PDE1A: variants seen among roughly 807,000 people sequenced by gnomAD.
PDE1A encodes the protein dual specificity calcium/calmodulin-dependent 3',5'-cyclic nucleotide phosphodiesterase 1A.
PDE1A carries 35 observed loss-of-function variants against 61.7 expected under a neutral mutation model. The observed-to-expected ratio is 0.57, with a 90% CI of 0.43 to 0.75. The LOEUF is 0.75. PDE1A is among the 30% of genes least tolerant of loss of function. The pLI, the probability that PDE1A is intolerant of heterozygous loss-of-function variation, is 0.00. For missense variants in PDE1A, 597 were observed against 630.6 expected (o/e 0.95, Z 0.57); for synonymous variants, 232 against 213.2 (o/e 1.09, Z -0.77).
downstream of PDE1A, among the ~76,000 whole-genome samples, chr2:182,166,388 G>A (rs530685473): frequency 2.0e-5 from 3 of 152,280 alleles, no homozygotes; most frequent in South Asian, 4.1e-4. Flanking sequence ...CCCTTTCTGA[G>A]TAGGAAACTT....
intron 1 of PDE1A, among the ~76,000 whole-genome samples, chr2:182,351,976 TAG>T (rs946420227): frequency 3.3e-5 from 5 of 152,136 alleles, no homozygotes; most frequent in African/African-American, 7.2e-5. Flanking sequence ...CCACCTAAAA[TAG>T]AGTCATGCAT....
chr2:182,257,388 C>A (rs542503534), intron 2 of PDE1A, among the ~76,000 whole-genome samples: 3 of 152,268 alleles, frequency 2.0e-5, no homozygotes, highest in Admixed American at 1.3e-4. Flanking sequence ...CATAGATAGG[C>A]TTTATTTTAC....
the PDE1A span, among the ~76,000 whole-genome samples, chr2:182,656,951 G>A: frequency 2.0e-5 from 3 of 152,150 alleles, no homozygotes; most frequent in Admixed American, 1.3e-4. Flanking sequence ...CTGGCCAGGT[G>A]CGGTGGCTCA....
chr2:182,143,857 C>T (rs1690354431), downstream of PDE1A, among the ~76,000 whole-genome samples: 1 of 152,098 alleles, frequency 6.6e-6, no homozygotes, highest in Non-Finnish European at 1.5e-5. Context: ...GGTTTTACAT[C>T]AGTTGGAATT....
At chr2:182,326,995 A>C in intron 1 of PDE1A, among the ~76,000 whole-genome samples, 1 of 152,192 alleles carries the variant, frequency 6.6e-6, no homozygotes, top group East Asian at 1.9e-4. Flanking sequence ...ACATTATCTC[A>C]ACAGAGATAC....
intron 2 of PDE1A, among the ~76,000 whole-genome samples, chr2:182,512,138 C>T (rs1450351203): frequency 6.6e-6 from 1 of 152,188 alleles, no homozygotes; most frequent in Non-Finnish European, 1.5e-5. Flanking sequence ...CGCACATGTG[C>T]ACATGCAAAC....
intron 2 of PDE1A, chr2:182,242,184 A>C (rs1690568944): frequency 3.2e-6 from 2 of 629,070 alleles, no homozygotes; most frequent in Non-Finnish European, 4.3e-6. Context: ...AGTAAATTTC[A>C]TGTTGATGGC....
chr2:182,336,708 GTA>G (rs1437347466), intron 1 of PDE1A, among the ~76,000 whole-genome samples: 1 of 151,192 alleles, frequency 6.6e-6, no homozygotes, highest in African/African-American at 2.4e-5. Flanking sequence ...CATGGCACGT[GTA>G]TACCTATGTA....
At chr2:182,465,003 T>A (rs550406982) in intron 2 of PDE1A, among the ~76,000 whole-genome samples, 6 of 152,322 alleles carry the variant, frequency 3.9e-5, no homozygotes, top group East Asian at 1.9e-4. Flanking sequence ...ATATTAACTG[T>A]ATGTTAAAAT....
the PDE1A span, among the ~76,000 whole-genome samples, chr2:182,528,647 G>A: frequency 2.0e-5 from 3 of 152,168 alleles, no homozygotes; most frequent in African/African-American, 4.8e-5. Context: ...AGAGACCTTT[G>A]TGGCAGCCCC....
At chr2:182,710,620 T>C in the PDE1A span, among the ~76,000 whole-genome samples, 1 of 152,226 alleles carries the variant, frequency 6.6e-6, no homozygotes, top group Admixed American at 6.5e-5. Context: ...CTTTCTGTAT[T>C]TGGATTATTT....
intron 1 of PDE1A, among the ~76,000 whole-genome samples, chr2:182,352,071 C>T (rs1232137387): frequency 2.0e-5 from 3 of 152,174 alleles, no homozygotes; most frequent in Admixed American, 6.6e-5. Context: ...CATGTGCTGC[C>T]GTGTGTGCAC....
chr2:182,452,503 T>C (rs1001395428), intron 2 of PDE1A, among the ~76,000 whole-genome samples: 6 of 152,168 alleles, frequency 3.9e-5, no homozygotes, highest in Admixed American at 2.6e-4. Flanking sequence ...TGTTTTGTTT[T>C]CTTTGTTGTT....
At chr2:182,237,990 T>C (rs1259285098) in intron 3 of PDE1A, among the ~76,000 whole-genome samples, 2 of 151,970 alleles carry the variant, frequency 1.3e-5, no homozygotes, top group East Asian at 1.9e-4. Flanking sequence ...GGAACTAGGC[T>C]GGGCACGGTG....
intron 7 of PDE1A, among the ~76,000 whole-genome samples, chr2:182,221,903 C>T (rs577709369): frequency 8.8e-4 from 134 of 152,100 alleles, no homozygotes; most frequent in African/African-American, 3.1e-3. Context: ...TGACGGATAT[C>T]AGACCAGATG....
At chr2:182,312,270 T>C (rs563271023) in intron 1 of PDE1A, among the ~76,000 whole-genome samples, 65 of 152,172 alleles carry the variant, frequency 4.3e-4, no homozygotes, top group Non-Finnish European at 8.4e-4. Flanking sequence ...ACAATGTCTT[T>C]CAAGGAGCAA....
At chr2:182,448,154 A>G (rs1473124446) in intron 2 of PDE1A, among the ~76,000 whole-genome samples, 1 of 152,022 alleles carries the variant, frequency 6.6e-6, no homozygotes, top group Non-Finnish European at 1.5e-5. Context: ...CTTTCCTAAC[A>G]TTTCAAGATT....
chr2:182,662,436 C>T, the PDE1A span, among the ~76,000 whole-genome samples: 1 of 151,728 alleles, frequency 6.6e-6, no homozygotes, highest in South Asian at 2.1e-4. Flanking sequence ...CTGCTTCAAA[C>T]TATTCTACAG....
the PDE1A span, among the ~76,000 whole-genome samples, chr2:182,682,896 CTGTG>C: frequency 1.3e-5 from 2 of 151,744 alleles, no homozygotes; most frequent in Non-Finnish European, 2.9e-5. Flanking sequence ...TGTCTGAGGA[CTGTG>C]TGTGTGTAGG....
Sources: gnomAD v4.1 joint callset for allele counts (sites outside exome capture counted in the v4.1 genomes callset) on GRCh38, gnomAD v4.1.1 for gene constraint, MANE v1.5 for transcripts, NCBI Gene and HGNC (gene_info 2026-07-23, HGNC 2026-07-21) for gene names.